Variants in ASPSCR1 observed in about 807,000 individuals in gnomAD.
The protein encoded by ASPSCR1 is tether containing UBX domain for GLUT4.
A neutral mutation model predicts 68.9 loss-of-function variants in ASPSCR1; 55 were observed. That is an observed-to-expected ratio of 0.80 (90% CI 0.64 to 1.00). The LOEUF (loss-of-function observed/expected upper bound fraction) is 1.00. Among genes scored for constraint, ASPSCR1 ranks in the 50% least tolerant of loss-of-function variants. ASPSCR1 has a pLI of 0.00. For missense variants in ASPSCR1, 765 were observed against 762.2 expected, an observed-to-expected ratio of 1.00 and a Z score of -0.04; for synonymous variants, 352 against 332.6, an observed-to-expected ratio of 1.06 and a Z score of -0.63.
At chr17:82,013,645 C>G (rs565604227) in intron 12 of ASPSCR1, 78 of 152,420 alleles carry the variant, frequency 5.1e-4, no homozygotes, top group African/African-American at 1.9e-3. Context: ...GGGCCGGCCC[C>G]CGGCTTCCGA....
chr17:82,015,684 G>A, intron 12 of ASPSCR1: 1 of 364,926 alleles, frequency 2.7e-6, no homozygotes, highest in East Asian at 5.1e-5. Context: ...CGCAGCCTGG[G>A]TGTGAATCTT....
intron 2 of ASPSCR1, among the ~76,000 whole-genome samples, chr17:81,982,345 A>G (rs1404270312): frequency 6.6e-6 from 1 of 152,214 alleles, no homozygotes; most frequent in Non-Finnish European, 1.5e-5. Flanking sequence ...TGCGATTTTG[A>G]GGCAGGTCCT....
At chr17:81,978,332 C>G (rs1021822265) in intron 1 of ASPSCR1, 1 of 152,148 alleles carries the variant, frequency 6.6e-6, no homozygotes, top group Non-Finnish European at 1.5e-5. Flanking sequence ...ACCATCCTGG[C>G]TAAAACGGTG....
intron 9 of ASPSCR1, among the ~76,000 whole-genome samples, chr17:82,010,485 T>G (rs535096879): frequency 1.4e-5 from 2 of 142,748 alleles, no homozygotes; most frequent in Non-Finnish European, 3.0e-5. Flanking sequence ...GCCGAGATCA[T>G]GCCACTGCAC....
rs1242766258 is a variant in ASPSCR1 at position 81,977,792 on chromosome 17, C to T, written c.102+44C>T. The T allele has an allele frequency of 2.0e-5, 24 of 1,196,982 alleles. No individual in the cohort carries two copies. The East Asian group carries it at 2.7e-4, about 14-fold the overall frequency. The allele number at this position is 1,196,982 out of a possible 1,614,324, so 74.1% of individuals were successfully genotyped here. ...GGCGGACGGGTAGGCGGGCGGGGGG[C>T]GCTGCGCCGAGGCCCCGCCCATTGC... On this transcript the variant is annotated intron_variant, in intron 1 of 15. Transcript: ENST00000306739. The surrounding 1 kb of genome is among the most constrained non-coding windows in gnomAD (Gnocchi z 5.0).
At chr17:81,985,440 G>T in intron 3 of ASPSCR1, 67 bp from the exon 4 acceptor site, 1 of 1,527,876 alleles carries the variant, frequency 6.5e-7, no homozygotes, top group Non-Finnish European at 9.0e-7. Context: ...TGGAGAATCA[G>T]TCTGGGATTT....
chr17:82,010,251 C>T lies in ASPSCR1; in HGVS notation c.1171-551C>T, dbSNP rs558639276. ...GAAACTTTAAACAGCACATTTGAGC[C>T]GGGCGTGGTGGCTCACGCCTGTAAT... On this transcript the variant is annotated intron_variant, in intron 9 of 15. Coordinates refer to ENST00000306739, the MANE Select transcript of ASPSCR1 (RefSeq NM_024083.4). Among the ~76,000 whole-genome samples the T allele has an allele frequency of 2.3e-3, 337 of 147,578 alleles. 2 individuals carry two copies. Among genetic ancestry groups the T allele is most frequent in the African/African-American group, 7.9e-3 (318 of 40,446 alleles).
chr17:81,997,471 A>AT (rs948668381), intron 7 of ASPSCR1, among the ~76,000 whole-genome samples: 97 of 120,674 alleles, frequency 8.0e-4, no homozygotes, highest in African/African-American at 1.1e-3. Context: ...CAGGCAAATG[A>AT]TTTTTTTTTT....
Position 81,986,958 on chromosome 17 carries a change from G to T in ASPSCR1, c.374+1351G>T, listed in dbSNP as rs2042011831. Among the ~76,000 whole-genome samples, 1 of 152,238 alleles carries T rather than the reference G, an allele frequency of 6.6e-6. No homozygotes were observed. Among genetic ancestry groups the T allele is most frequent in the Non-Finnish European group, 1.5e-5 (1 of 68,042 alleles). Reference sequence around the variant, plus strand: ...TGGAGGCCCCTGGAGATGGCAGCGGGTTAAGCACGAGCACGGAATTCTCCC... The same window carrying T: ...TGGAGGCCCCTGGAGATGGCAGCGGTTTAAGCACGAGCACGGAATTCTCCC... On this transcript the variant is annotated intron_variant, in intron 4 of 15. Coordinates refer to ENST00000306739, the MANE Select transcript of ASPSCR1 (RefSeq NM_024083.4). This position sits in a 1 kb window ranked among gnomAD's most constrained non-coding sequence, Gnocchi z 5.2.
intron 7 of ASPSCR1, among the ~76,000 whole-genome samples, chr17:82,001,787 C>T (rs2042540723): frequency 6.6e-6 from 1 of 152,188 alleles, no homozygotes; most frequent in Non-Finnish European, 1.5e-5. Context: ...CCTTCCCGGG[C>T]TCCCCCAGGA....
chr17:81,983,451 G>A lies in ASPSCR1; in HGVS notation c.159-103G>A, dbSNP rs1056293443. 1.8e-5 allele frequency: 17 copies of A among 944,992 alleles called. No individual in the cohort carries two copies. The highest frequency in any genetic ancestry group is 4.5e-5 in the South Asian group (3 of 66,570). 58.5% of individuals were successfully genotyped at this position (944,992 alleles called of 1,614,324 possible). On this transcript the variant is annotated intron_variant, in intron 2 of 15. Transcript: ENST00000306739. This position sits in a 1 kb window ranked among gnomAD's most constrained non-coding sequence, Gnocchi z 4.4. ...TGCCACAGGACGTGGATGGCGGGGCGTGGATGGCGGGGCGTGGATGGTGGG... is the reference window on the plus strand; with the variant it reads ...TGCCACAGGACGTGGATGGCGGGGCATGGATGGCGGGGCGTGGATGGTGGG...
intron 7 of ASPSCR1, among the ~76,000 whole-genome samples, chr17:81,997,083 T>C (rs7222223): frequency 1.3e-4 from 9 of 70,382 alleles, no homozygotes; most frequent in South Asian, 7.6e-4. Flanking sequence ...TGGCTGTGTC[T>C]GCTCCGGGAT....
At chr17:82,009,408 G>A in intron 8 of ASPSCR1, 78 bp from the exon 9 acceptor site, 1 of 1,445,968 alleles carries the variant, frequency 6.9e-7, no homozygotes, top group Non-Finnish European at 9.3e-7. Context: ...CCTGGAGGGT[G>A]CAGGTGAGGA....
chr17:82,008,777 G>T (rs1438736798), intron 7 of ASPSCR1: 1 of 407,570 alleles, frequency 2.5e-6, no homozygotes, highest in East Asian at 3.8e-5. Flanking sequence ...GGGAGCAGGG[G>T]CTCAGCATCA....
intron 15 of ASPSCR1, 73 bp downstream of exon 15, chr17:82,017,186 C>A: frequency 6.4e-7 from 1 of 1,574,656 alleles, no homozygotes. Flanking sequence ...GTGGCAGGGT[C>A]AGTGGGCTGG....
intron 12 of ASPSCR1, chr17:82,014,959 A>C: frequency 8.0e-7 from 1 of 1,247,934 alleles, no homozygotes; most frequent in African/African-American, 1.5e-5. Context: ...GGGCAGCCTG[A>C]GACATCCTGG....
intron 2 of ASPSCR1, among the ~76,000 whole-genome samples, chr17:81,979,928 T>A (rs566592318): frequency 6.6e-6 from 1 of 152,342 alleles, no homozygotes; most frequent in South Asian, 2.1e-4. Context: ...GATGTGCGTG[T>A]CTATCCCACA....
chr17:82,000,332 G>A (rs539842304), intron 7 of ASPSCR1, among the ~76,000 whole-genome samples: 1 of 152,352 alleles, frequency 6.6e-6, no homozygotes, highest in Admixed American at 6.5e-5. Flanking sequence ...GGTCTTGGCT[G>A]GCAGGAGGGG....
Position 81,983,488 on chromosome 17 carries a change from GGGGCGTGGATGGCA to G in ASPSCR1, c.159-58_159-45del. 7.6e-7 allele frequency: 1 copy of G among 1,322,756 alleles called. No individual in the cohort carries two copies. Among genetic ancestry groups the G allele is most frequent in the East Asian group, 2.4e-5 (1 of 41,068 alleles). The allele number at this position is 1,322,756 out of a possible 1,614,324, so 81.9% of individuals were successfully genotyped here. On this transcript the variant is annotated intron_variant, in intron 2 of 15. Coordinates refer to ENST00000306739, the MANE Select transcript of ASPSCR1 (RefSeq NM_024083.4). The surrounding 1 kb of genome is among the most constrained non-coding windows in gnomAD (Gnocchi z 4.4). ...GCGTGGATGGTGGGACGGGGATGGC[GGGGCGTGGATGGCA>G]GGGCGTGTCAGGCTCTGCAGGGCAG...
Sources: allele counts gnomAD v4.1 joint callset (sites outside exome capture counted in the v4.1 genomes callset), GRCh38; gene constraint gnomAD v4.1.1; non-coding constraint Gnocchi (gnomAD v3.1); transcripts MANE v1.5; gene names NCBI Gene and HGNC (gene_info 2026-07-23, HGNC 2026-07-21).